The following NFRKB variants were observed in gnomAD, a reference collection of about 807,000 sequenced individuals.
NFRKB encodes the protein nuclear factor related to kappaB binding protein, also known as nuclear factor related to kappa-B-binding protein.
Under a neutral mutation model 135.7 loss-of-function variants are expected in NFRKB, and 62 were observed. That is an observed-to-expected ratio of 0.46 (90% CI 0.37 to 0.56). NFRKB has a LOEUF of 0.56. NFRKB is among the 20% of genes least tolerant of loss of function. NFRKB has a pLI of 0.00. For missense variants in NFRKB, 1,545 were observed against 1,662.0 expected (o/e 0.93, Z 1.22); for synonymous variants, 678 against 635.6 (o/e 1.07, Z -1.00).
chr11:129,884,513 A>G (rs1949178393), intron 7 of NFRKB, among the ~76,000 whole-genome samples: 1 of 152,230 alleles, frequency 6.6e-6, no homozygotes, highest in African/African-American at 2.4e-5. Context: ...CTTTAGCCCA[A>G]AATATCAGCT....
chr11:129,872,075 C>T (rs1249001698), intron 23 of NFRKB, among the ~76,000 whole-genome samples: 2 of 152,196 alleles, frequency 1.3e-5, no homozygotes, highest in African/African-American at 4.8e-5. Context: ...TCTTTCATCT[C>T]TTTCAAATGT....
rs774809517 is a variant in NFRKB at position 129,883,182 on chromosome 11, C to G, written c.841G>C (p.Asp281His). 17 of 1,613,972 alleles carry G rather than the reference C, an allele frequency of 1.1e-5. No homozygotes were observed. The highest frequency in any genetic ancestry group is 1.4e-5 in the Non-Finnish European group (16 of 1,180,026). ...QPDHPDLLTG[D>H]LTLNDIMTRV... Reference sequence around the variant, plus strand: ...GTCATGATGTCATTGAGAGTCAGGTCCCCTGTCAAAAGGTCCGGGTGATCC... The same window carrying G: ...GTCATGATGTCATTGAGAGTCAGGTGCCCTGTCAAAAGGTCCGGGTGATCC... The change falls in exon 9 of 27, where the codon GAC becomes CAC. Residue 281 changes from aspartate (D) to histidine (H), a missense_variant. Physicochemically the swap from Asp to His is moderately conservative, Grantham distance 81. Transcript: ENST00000682444.
In NFRKB at chr11:129,864,568, G is replaced by T; in HGVS notation, c.*157C>A. ...GGGTGCTCCACTATGGCACGTGGCA[G>T]CAGAATCCAGGCCACGAATCCAGGC... On this transcript the variant is annotated 3_prime_UTR_variant, in exon 27 of 27. Transcript: ENST00000682444. 1.0e-6 allele frequency: 1 copy of T among 982,690 alleles called. No homozygotes were observed. Among genetic ancestry groups the T allele is most frequent in the Non-Finnish European group, 1.5e-6 (1 of 668,056 alleles). 60.9% of individuals were successfully genotyped at this position (982,690 alleles called of 1,614,324 possible).
chr11:129,870,360 A>T (rs766993331), intron 23 of NFRKB, 99 bp from the exon 24 acceptor site: 25 of 1,274,524 alleles, frequency 2.0e-5, no homozygotes, highest in South Asian at 3.1e-5. Context: ...GATGTTTTGT[A>T]TTTTTTTTTT....
rs750166040 is a variant in NFRKB at position 129,872,833 on chromosome 11, C to G, written c.2763+51G>C. On this transcript the variant is annotated intron_variant, in intron 23 of 26. Coordinates refer to ENST00000682444, the MANE Select transcript of NFRKB (RefSeq NM_001143835.2). ...GCCAAGAACCTCCAGCTCCAGTGGT[C>G]CCTGCTCCAGGATGAAGGATTGAGA... 9.2e-6 allele frequency: 14 copies of G among 1,529,998 alleles called. No homozygotes were observed. In the Admixed American group the frequency reaches 2.6e-4, roughly 29 times the overall value. The allele number at this position is 1,529,998 out of a possible 1,614,324, so 94.8% of individuals were successfully genotyped here. A position where few individuals can be genotyped will look rare whatever the true frequency, so the allele number is the denominator to read the frequency against.
At position 129,878,493 on chromosome 11, in the gene NFRKB, G is replaced by A. The variant is rs774332190; in HGVS notation, c.1435C>T (p.Leu479=). 2.5e-6 allele frequency: 4 copies of A among 1,614,026 alleles called. No homozygotes were observed. The highest frequency in any genetic ancestry group is 1.3e-5 in the African/African-American group (1 of 74,922). ...KELAALFQLW[L]ETKDQAFCKQ... ...CAGAAGGCCTGATCTTTGGTCTCTAGCCATAGCTGGAAGAGGGCAGCTAAT... is the reference window on the plus strand; with the variant it reads ...CAGAAGGCCTGATCTTTGGTCTCTAACCATAGCTGGAAGAGGGCAGCTAAT... Residue 479 remains leucine, a synonymous_variant, in exon 14 of 27, where the codon CTA becomes TTA. Coordinates refer to ENST00000682444, the MANE Select transcript of NFRKB (RefSeq NM_001143835.2).
Position 129,864,710 on chromosome 11 carries a change from C to G in NFRKB, c.*15G>C, listed in dbSNP as rs1940475138. ...ACCAGGCATGGTCTTTCACGGAAGC[C>G]ATCCTCTCTCATAATCATTGTTGCT... is the stretch of plus-strand genomic sequence containing the variant. On this transcript the variant is annotated 3_prime_UTR_variant, in exon 27 of 27. Transcript: ENST00000682444. 6.2e-7 allele frequency: 1 copy of G among 1,614,044 alleles called. No homozygotes were observed. Among genetic ancestry groups the G allele is most frequent in the Non-Finnish European group, 8.5e-7 (1 of 1,180,010 alleles).
intron 14 of NFRKB, 28 bp from the exon 15 acceptor site, chr11:129,878,383 A>G: frequency 1.2e-6 from 2 of 1,614,044 alleles, no homozygotes; most frequent in South Asian, 2.2e-5. Context: ...GTTGACAGGT[A>G]AATGGACTAA....
intron 13 of NFRKB, among the ~76,000 whole-genome samples, chr11:129,878,874 A>G (rs1370876621): frequency 6.6e-6 from 1 of 152,234 alleles, no homozygotes; most frequent in Non-Finnish European, 1.5e-5. Context: ...ATATTTTAAA[A>G]TCAATTCAAA....
At chr11:129,887,779 T>C (rs866059676) in intron 4 of NFRKB, among the ~76,000 whole-genome samples, 15 of 152,348 alleles carry the variant, frequency 9.8e-5, no homozygotes, top group Non-Finnish European at 1.3e-4. Context: ...GGCTCACGCC[T>C]GTGATCCCAG....
chr11:129,880,553 T>C (rs1187642540), intron 13 of NFRKB, among the ~76,000 whole-genome samples: 1 of 152,222 alleles, frequency 6.6e-6, no homozygotes, highest in Non-Finnish European at 1.5e-5. Flanking sequence ...CTATTCATCA[T>C]ACACCTCTGC....
At chr11:129,875,768 T>C (rs1159555363) in intron 17 of NFRKB, among the ~76,000 whole-genome samples, 1 of 149,480 alleles carries the variant, frequency 6.7e-6, no homozygotes, top group Non-Finnish European at 1.5e-5. Context: ...GCAATCCTCC[T>C]GCCTCAGCCT....
intron 17 of NFRKB, 87 bp from the exon 18 acceptor site, chr11:129,875,550 G>T: frequency 1.0e-6 from 1 of 994,136 alleles, no homozygotes; most frequent in Non-Finnish European, 1.5e-6. Context: ...GATGGGCAAA[G>T]CTGCCTGGGG....
chr11:129,884,045 C>A (rs75298673), intron 8 of NFRKB, 25 bp downstream of exon 8: 2 of 1,613,006 alleles, frequency 1.2e-6, no homozygotes, highest in South Asian at 1.1e-5. Context: ...GAAAACCACA[C>A]GGCCGCACGC....
In NFRKB at chr11:129,885,591, G is replaced by C; in HGVS notation, c.484C>G (p.Arg162Gly). 1.2e-6 allele frequency: 2 copies of C among 1,611,112 alleles called. No individual in the cohort carries two copies. The highest frequency in any genetic ancestry group is 1.7e-6 in the Non-Finnish European group (2 of 1,177,782). Reference protein sequence around the residue: ...ASRSDLLEMARRSGPALPFRQ... With the variant: ...ASRSDLLEMAGRSGPALPFRQ... ...AAGGGAAGGGCGGGGCCACTCCGCC[G>C]GGCCATCTCCAGCAGATCCTAGGTA... Residue 162 changes from arginine (R) to glycine (G), a missense_variant, in exon 6 of 27, where the codon CGG becomes GGG. By Grantham distance (125) the Arg-to-Gly change is moderately radical. Transcript: ENST00000682444.
At position 129,882,651 on chromosome 11, in the gene NFRKB, C is replaced by T. The variant is rs1205015428; in HGVS notation, c.902-20G>A. 1.2e-6 allele frequency: 2 copies of T among 1,609,404 alleles called. No homozygotes were observed. Among genetic ancestry groups the T allele is most frequent in the African/African-American group, 2.7e-5 (2 of 74,520 alleles). On this transcript the variant is annotated intron_variant, in intron 9 of 26. Transcript: ENST00000682444. ...ATAAGGCTAGAAAGGCAAAGTAACA[C>T]CAGTCACAGAAATGTATCTCCTACA...
Position 129,877,693 on chromosome 11 carries a change from C to T in NFRKB, c.1512-308G>A, listed in dbSNP as rs761412946. On this transcript the variant is annotated intron_variant, in intron 15 of 26. Transcript: ENST00000682444. The stretch of plus-strand genomic sequence containing the variant: ...TCCGTTCTAAAGGCAACAAACAATT[C>T]GGCCTTAGAGGAACAAAGGGCTTCA... 4.6e-5 allele frequency among the ~76,000 whole-genome samples: 7 copies of T among 152,124 alleles called. No homozygotes were observed. In the East Asian group the frequency reaches 9.7e-4, roughly 21 times the overall value.
chr11:129,866,235 T>C (rs1948186682), intron 24 of NFRKB, among the ~76,000 whole-genome samples: 1 of 152,152 alleles, frequency 6.6e-6, no homozygotes, highest in Admixed American at 6.6e-5. Context: ...AACCCATCTA[T>C]CTGCTTTCAA....
At chr11:129,888,903 C>T (rs1949406004) in intron 3 of NFRKB, 108 bp from the exon 4 acceptor site, 1 of 806,854 alleles carries the variant, frequency 1.2e-6, no homozygotes, top group Non-Finnish European at 1.9e-6. Context: ...CCAATTTAAC[C>T]ATTTTTAAGT....
Sources: gnomAD v4.1 joint callset for allele counts (sites outside exome capture counted in the v4.1 genomes callset) on GRCh38, gnomAD v4.1.1 for gene constraint, MANE v1.5 for transcripts, NCBI Gene and HGNC (gene_info 2026-07-23, HGNC 2026-07-21) for gene names.